Variants in TMPRSS15 observed in about 807,000 individuals in gnomAD.
TMPRSS15 encodes the protein transmembrane serine protease 15, also known as enteropeptidase.
TMPRSS15 carries 128 observed loss-of-function variants against 125.3 expected under a neutral mutation model. The ratio of observed to expected loss-of-function variants is 1.02; its 90% CI spans 0.89 to 1.18. The LOEUF (loss-of-function observed/expected upper bound fraction) is 1.18, where lower values mean the gene tolerates loss of function less well. TMPRSS15 is among the 50% of genes most tolerant of loss of function. TMPRSS15 has a pLI of 0.00. For missense variants in TMPRSS15, 1,283 were observed against 1,212.7 expected (o/e 1.06, Z -0.86); for synonymous variants, 446 against 423.2 (o/e 1.05, Z -0.66).
intron 21 of TMPRSS15, among the ~76,000 whole-genome samples, chr21:18,290,546 C>A (rs2074821466): frequency 6.6e-6 from 1 of 150,932 alleles, no homozygotes; most frequent in African/African-American, 2.4e-5. Flanking sequence ...AATAACTGAC[C>A]TGTATTCAAA....
chr21:18,278,937 T>C, intron 23 of TMPRSS15, 27 bp downstream of exon 23: 2 of 930,192 alleles, frequency 2.2e-6, no homozygotes, highest in Non-Finnish European at 3.2e-6. Flanking sequence ...TTTTTTTTTT[T>C]TTTTTTTTTT....
At position 18,314,402 on chromosome 21, in the gene TMPRSS15, C is replaced by T. The variant is rs142483885; in HGVS notation, c.2032+744G>A. ...CAAGCGATTCTCCTGCCTCAGCCTCCGGAGTAGCTGGGATTACAGGCACCC... is the reference window on the plus strand; with the variant it reads ...CAAGCGATTCTCCTGCCTCAGCCTCTGGAGTAGCTGGGATTACAGGCACCC... On this transcript the variant is annotated intron_variant, in intron 17 of 24. Transcript: ENST00000284885. 3.2e-3 allele frequency among the ~76,000 whole-genome samples: 484 copies of T among 152,238 alleles called. 3 individuals are homozygous for T. Among genetic ancestry groups the T allele is most frequent in the South Asian group, 5.4e-3 (26 of 4,826 alleles).
chr21:18,475,539 C>G (rs1024669267), intron 1 of TMPRSS15, among the ~76,000 whole-genome samples: 1 of 152,132 alleles, frequency 6.6e-6, no homozygotes, highest in African/African-American at 2.4e-5. Context: ...CTGCAGTGAG[C>G]CATGATAGTG....
chr21:18,362,029 G>A (rs2075683792), intron 7 of TMPRSS15, among the ~76,000 whole-genome samples: 1 of 152,096 alleles, frequency 6.6e-6, no homozygotes, highest in Admixed American at 6.6e-5. Flanking sequence ...GGCCCTTGAA[G>A]TATGATAGGT....
chr21:18,290,284 A>G (rs1480332453), intron 21 of TMPRSS15, among the ~76,000 whole-genome samples: 1 of 152,210 alleles, frequency 6.6e-6, no homozygotes, highest in Admixed American at 6.5e-5. Flanking sequence ...ACAGGACACA[A>G]CATCAGTAGC....
At chr21:18,305,343 C>T (rs917279901) in intron 18 of TMPRSS15, among the ~76,000 whole-genome samples, 5 of 151,884 alleles carry the variant, frequency 3.3e-5, no homozygotes, top group East Asian at 3.9e-4. Flanking sequence ...CGCCCGCCAC[C>T]GCGCCCGGCT....
At chr21:18,424,022 T>C (rs537480325) in intron 1 of TMPRSS15, among the ~76,000 whole-genome samples, 14 of 152,252 alleles carry the variant, frequency 9.2e-5, no homozygotes, top group African/African-American at 3.4e-4. Context: ...GAAAGAGAAG[T>C]TTCAGCCTGG....
chr21:18,281,211 C>CT lies in TMPRSS15; in HGVS notation c.2496dup (p.Glu833ArgfsTer29). ...AGGATTGCTGTCCACTTGGATGGCT[C>CT]TAAGTTTCTCCTGAAAATTGTAATG... On this transcript the variant is annotated frameshift_variant, in exon 22 of 25. Coordinates refer to ENST00000284885, the MANE Select transcript of TMPRSS15 (RefSeq NM_002772.3). LOFTEE classifies it high-confidence loss of function. The CT allele has an allele frequency of 6.2e-7, 1 of 1,613,872 alleles. No homozygotes were observed. Among genetic ancestry groups the CT allele is most frequent in the Non-Finnish European group, 8.5e-7 (1 of 1,179,958 alleles).
chr21:18,451,160 C>T lies in TMPRSS15; in HGVS notation c.10+34639G>A, dbSNP rs377730767. Among the ~76,000 whole-genome samples, 1,057 of 151,874 alleles carry T rather than the reference C, an allele frequency of 7.0e-3. 9 individuals carry two copies. Among genetic ancestry groups the T allele is most frequent in the South Asian group, 0.018 (86 of 4,818 alleles). On this transcript the variant is annotated intron_variant, in intron 1 of 7. Transcript: ENST00000422787. ...TATTGTAATACAGTTCTTCAGTTCC[C>T]TGAAAGTTTAGATATATGTAAAAAC...
intron 1 of TMPRSS15, among the ~76,000 whole-genome samples, chr21:18,460,364 C>CTATT (rs74277481): frequency 0.12 from 17,471 of 151,712 alleles, 2,619 homozygotes; most frequent in African/African-American, 0.36. Flanking sequence ...TTTTCTTTCT[C>CTATT]GAGTGGAACA....
chr21:18,352,789 A>C (rs2147006097), intron 10 of TMPRSS15, 114 bp downstream of exon 10: 1 of 1,137,750 alleles, frequency 8.8e-7, no homozygotes, highest in Non-Finnish European at 1.3e-6. Context: ...TAAAAAACCC[A>C]AAAAGACTTT....
intron 1 of TMPRSS15, among the ~76,000 whole-genome samples, chr21:18,453,817 A>C (rs1978386126): frequency 6.6e-6 from 1 of 152,236 alleles, no homozygotes; most frequent in African/African-American, 2.4e-5. Context: ...AGTAAGACTC[A>C]AAAGAGAAGG....
intron 8 of TMPRSS15, among the ~76,000 whole-genome samples, chr21:18,356,992 A>G (rs1286677865): frequency 1.3e-5 from 2 of 151,856 alleles, no homozygotes; most frequent in Non-Finnish European, 2.9e-5. Flanking sequence ...TGAGATATAA[A>G]GAATGGCATA....
chr21:18,413,200 C>A, intron 1 of TMPRSS15, among the ~76,000 whole-genome samples: 1 of 145,856 alleles, frequency 6.9e-6, no homozygotes, highest in East Asian at 2.2e-4. Flanking sequence ...TCCTGCCTTC[C>A]CTCCCTCCCT....
intron 21 of TMPRSS15, among the ~76,000 whole-genome samples, chr21:18,289,869 A>G (rs2074812728): frequency 1.3e-5 from 2 of 152,214 alleles, no homozygotes; most frequent in African/African-American, 4.8e-5. Flanking sequence ...TTTTTGGGTG[A>G]TTGGAATGTT....
intron 1 of TMPRSS15, among the ~76,000 whole-genome samples, chr21:18,467,173 A>G (rs1049810538): frequency 2.0e-5 from 3 of 152,100 alleles, no homozygotes; most frequent in African/African-American, 7.2e-5. Flanking sequence ...AAAACCAAAC[A>G]CTGCATGTTC....
Position 18,398,275 on chromosome 21 carries a change from C to T in TMPRSS15, c.200G>A (p.Gly67Glu). The T allele has an allele frequency of 6.2e-7, 1 of 1,613,726 alleles. No individual in the cohort carries two copies. The highest frequency in any genetic ancestry group is 2.2e-5 in the East Asian group (1 of 44,858). The change falls in exon 2 of 25, where the codon GGA (glycine) becomes GAA (glutamate). Residue 67 changes from glycine to glutamate, a missense_variant. Physicochemically the swap from Gly to Glu is moderately conservative, Grantham distance 98. Coordinates refer to ENST00000284885, the MANE Select transcript of TMPRSS15 (RefSeq NM_002772.3). ...EARATFKITS[G>E]VTYNPNLQDK... is the part of the protein sequence containing the mutation. ...TTGCAAATTAGGATTATATGTAACT[C>T]CGGATGTTATTTTAAATGTCGCTCT...
chr21:18,344,194 G>A (rs974296396), intron 10 of TMPRSS15, 134 bp from the exon 11 acceptor site: 4 of 758,910 alleles, frequency 5.3e-6, no homozygotes, highest in Non-Finnish European at 8.9e-6. Context: ...TAGTGGACAG[G>A]ACACTAGACT....
At chr21:18,445,425 C>T (rs2076253441) in intron 1 of TMPRSS15, among the ~76,000 whole-genome samples, 1 of 152,102 alleles carries the variant, frequency 6.6e-6, no homozygotes, top group African/African-American at 2.4e-5. Context: ...AAGTGATCCA[C>T]CCACCTCGGC....
Sources: allele counts gnomAD v4.1 joint callset (sites outside exome capture counted in the v4.1 genomes callset), GRCh38; gene constraint gnomAD v4.1.1; transcripts MANE v1.5; gene names NCBI Gene and HGNC (gene_info 2026-07-23, HGNC 2026-07-21).